The following PIERCE1 variants were observed in gnomAD, a reference collection of about 807,000 sequenced individuals.
PIERCE1 encodes piercer of microtubule wall 1 protein.
chr9:135,499,841 T>G, the PIERCE1 span: 11 of 1,583,568 alleles, frequency 6.9e-6, no homozygotes, highest in East Asian at 2.5e-4. Context: ...TCTGGGGCAT[T>G]CCTCAGCCAT....
At chr9:135,495,385 G>A in the PIERCE1 span, 1 of 1,539,712 alleles carries the variant, frequency 6.5e-7, no homozygotes, top group African/African-American at 1.4e-5. Flanking sequence ...TTTTCCAGGA[G>A]GCCCTGGGGT....
At chr9:135,499,388 T>A in the PIERCE1 span, 1 of 609,724 alleles carries the variant, frequency 1.6e-6, no homozygotes, top group African/African-American at 1.8e-5. Context: ...GTGGAGGTGC[T>A]GCTGTGCTCA....
At chr9:135,495,687 G>C in the PIERCE1 span, 1 of 1,347,814 alleles carries the variant, frequency 7.4e-7, no homozygotes. Context: ...ATTTTTGAAA[G>C]AAAAATAAGA....
the PIERCE1 span, chr9:135,499,413 G>A: frequency 1.5e-6 from 1 of 652,558 alleles, no homozygotes; most frequent in East Asian, 3.2e-5. Context: ...CCGCAGCGGA[G>A]TTTCAGGGTA....
chr9:135,498,985 C>T, the PIERCE1 span: 1 of 343,102 alleles, frequency 2.9e-6, no homozygotes, highest in Admixed American at 4.5e-5. This position sits in a 1 kb window ranked among gnomAD's most constrained non-coding sequence, Gnocchi z 4.1. Context: ...TTCTGGGTAA[C>T]CTAGCTTGTC....
At chr9:135,497,226 G>A in the PIERCE1 span, among the ~76,000 whole-genome samples, 1 of 152,196 alleles carries the variant, frequency 6.6e-6, no homozygotes, top group African/African-American at 2.4e-5. Flanking sequence ...GGATAAGAAG[G>A]AGGAGAACCT....
the PIERCE1 span, chr9:135,498,603 G>C: frequency 1.9e-6 from 3 of 1,613,908 alleles, no homozygotes; most frequent in Non-Finnish European, 2.5e-6. The surrounding 1 kb of genome is among the most constrained non-coding windows in gnomAD (Gnocchi z 4.1). Flanking sequence ...CGTGCACGGT[G>C]GGGGCTCTGC....
chr9:135,499,476 G>A, the PIERCE1 span: 1 of 711,780 alleles, frequency 1.4e-6, no homozygotes, highest in South Asian at 1.5e-5. Context: ...GACCACAACT[G>A]GGCTTTCTCC....
chr9:135,498,741 G>A, the PIERCE1 span: 3 of 1,344,410 alleles, frequency 2.2e-6, no homozygotes, highest in South Asian at 1.2e-5. This position sits in a 1 kb window ranked among gnomAD's most constrained non-coding sequence, Gnocchi z 4.1. Context: ...TTGGTTGACG[G>A]CACTCCCCTG....
the PIERCE1 span, chr9:135,495,626 T>TAA: frequency 6.2e-7 from 1 of 1,601,538 alleles, no homozygotes; most frequent in East Asian, 2.2e-5. Flanking sequence ...CTATAAGAGA[T>TAA]AAAGGAACAC....
chr9:135,495,751 C>T, the PIERCE1 span: 3 of 743,004 alleles, frequency 4.0e-6, no homozygotes, highest in Non-Finnish European at 6.5e-6. Flanking sequence ...TGGCTCACCC[C>T]AGACCATCCT....
the PIERCE1 span, among the ~76,000 whole-genome samples, chr9:135,496,192 A>G: frequency 3.3e-5 from 5 of 152,046 alleles, no homozygotes; most frequent in African/African-American, 1.2e-4. Context: ...TGGCGGGCGC[A>G]TGTAATCCCA....
the PIERCE1 span, chr9:135,499,398 A>ACGCCC: frequency 4.8e-6 from 3 of 625,556 alleles, no homozygotes; most frequent in Admixed American, 6.5e-5. Flanking sequence ...TGCTGTGCTC[A>ACGCCC]CGCCCCGCAG....
At chr9:135,499,796 G>GC in the PIERCE1 span, 1 of 1,604,526 alleles carries the variant, frequency 6.2e-7, no homozygotes, top group Non-Finnish European at 8.5e-7. Flanking sequence ...CTCCGGCGGG[G>GC]CCGTGGCCTT....
chr9:135,499,869 C>G, the PIERCE1 span: 15 of 1,531,910 alleles, frequency 9.8e-6, no homozygotes, highest in Admixed American at 2.0e-5. Context: ...GGAGGAGAAG[C>G]GGGACTCGGC....
At chr9:135,499,545 A>G in the PIERCE1 span, 1 of 949,232 alleles carries the variant, frequency 1.1e-6, no homozygotes, top group East Asian at 2.6e-5. Context: ...GGCTCTAGGG[A>G]GCACGGTCGC....
the PIERCE1 span, among the ~76,000 whole-genome samples, chr9:135,498,416 G>A: frequency 2.0e-5 from 3 of 152,050 alleles, no homozygotes; most frequent in East Asian, 3.9e-4. The surrounding 1 kb of genome is among the most constrained non-coding windows in gnomAD (Gnocchi z 4.1). Flanking sequence ...CTCCCAAAGC[G>A]ATTTTGGGAA....
chr9:135,499,748 G>A, the PIERCE1 span: 1 of 1,607,594 alleles, frequency 6.2e-7, no homozygotes, highest in African/African-American at 1.3e-5. Context: ...GAACCTGCCC[G>A]GCAGGTCCGC....
the PIERCE1 span, chr9:135,498,565 C>T: frequency 1.0e-4 from 168 of 1,612,414 alleles, 1 homozygote; most frequent in Middle Eastern, 3.6e-3. This position sits in a 1 kb window ranked among gnomAD's most constrained non-coding sequence, Gnocchi z 4.1. Flanking sequence ...CCCCCATGCC[C>T]GGTCTTGCAT....
Sources: allele counts gnomAD v4.1 joint callset (sites outside exome capture counted in the v4.1 genomes callset), GRCh38; gene constraint gnomAD v4.1.1; non-coding constraint Gnocchi (gnomAD v3.1); transcripts MANE v1.5; gene names NCBI Gene and HGNC (gene_info 2026-07-23, HGNC 2026-07-21).